Variants in RALGPS2 observed in about 807,000 individuals in gnomAD.
RALGPS2 encodes the protein Ral GEF with PH domain and SH3 binding motif 2.
RALGPS2 carries 43 observed loss-of-function variants against 86.8 expected under a neutral mutation model. The ratio of observed to expected loss-of-function variants is 0.50; its 90% confidence interval spans 0.39 to 0.64. RALGPS2 has a LOEUF of 0.64. RALGPS2 is among the 30% of genes least tolerant of loss of function. RALGPS2 has a pLI of 0.00. For synonymous variants in RALGPS2, 243 were observed against 231.3 expected (o/e 1.05, Z -0.46); for missense variants, 536 against 694.6 (o/e 0.77, Z 2.57).
In RALGPS2 at chr1:178,786,663, T is replaced by G. The variant is rs1284302575; in HGVS notation, c.213+1056T>G. ...CTCTAAAATCTGATTTTTTTTAACC[T>G]CTCATCTAGTATATCAATGTGATTT... On this transcript the variant is annotated intron_variant, in intron 4 of 19. Transcript: ENST00000367635. Among the ~76,000 whole-genome samples the G allele has an allele frequency of 2.0e-5, 3 of 151,726 alleles. No individual in the cohort carries two copies. The Admixed American group carries it at 2.0e-4, about 10-fold the overall frequency.
At chr1:178,861,445 C>A (rs1392778704) in intron 8 of RALGPS2, among the ~76,000 whole-genome samples, 1 of 149,318 alleles carries the variant, frequency 6.7e-6, no homozygotes, top group Non-Finnish European at 1.5e-5. Context: ...CTGTAGCATT[C>A]GTGGGTTTTT....
chr1:178,874,182 A>T (rs1658895349), intron 8 of RALGPS2, among the ~76,000 whole-genome samples: 2 of 152,340 alleles, frequency 1.3e-5, no homozygotes, highest in Admixed American at 1.3e-4. Flanking sequence ...GGAAGCAAGG[A>T]GATGAAGTAG....
chr1:178,898,178 A>T (rs1439817011), intron 17 of RALGPS2, among the ~76,000 whole-genome samples: 1 of 152,030 alleles, frequency 6.6e-6, no homozygotes, highest in Non-Finnish European at 1.5e-5. Context: ...GCTTCATATT[A>T]CTTAAAAGAA....
chr1:178,867,152 A>C (rs1387966120), intron 8 of RALGPS2, among the ~76,000 whole-genome samples: 1 of 152,120 alleles, frequency 6.6e-6, no homozygotes, highest in Non-Finnish European at 1.5e-5. Flanking sequence ...CCTGTTGTTA[A>C]TAACAACACA....
intron 1 of RALGPS2, among the ~76,000 whole-genome samples, chr1:178,776,132 A>G (rs1653071279): frequency 6.6e-6 from 1 of 152,224 alleles, no homozygotes. Flanking sequence ...GGCCTTAAGC[A>G]TCGGTGGATT....
At chr1:178,845,892 G>C (rs1055391873) in intron 8 of RALGPS2, among the ~76,000 whole-genome samples, 6 of 152,176 alleles carry the variant, frequency 3.9e-5, no homozygotes, top group Non-Finnish European at 8.8e-5. Flanking sequence ...TCCTGGAAGA[G>C]ATGCATATCA....
chr1:178,833,009 A>T (rs560066896), intron 7 of RALGPS2, among the ~76,000 whole-genome samples: 5 of 152,108 alleles, frequency 3.3e-5, no homozygotes, highest in Non-Finnish European at 7.4e-5. Flanking sequence ...TGTTAATCGC[A>T]AAATTTGGTG....
intron 1 of RALGPS2, among the ~76,000 whole-genome samples, chr1:178,749,933 AAAAC>A (rs1651556741): frequency 6.6e-6 from 1 of 152,048 alleles, no homozygotes; most frequent in African/African-American, 2.4e-5. Flanking sequence ...CATCTCTACA[AAAAC>A]AACAACAACA....
intron 8 of RALGPS2, chr1:178,852,820 C>T (rs762840189): frequency 1.2e-6 from 2 of 1,613,792 alleles, no homozygotes; most frequent in Non-Finnish European, 1.7e-6. Context: ...ACGAAAGCTG[C>T]TGTATTCTGC....
chr1:178,892,388 A>G, intron 15 of RALGPS2, 81 bp downstream of exon 15: 4 of 1,158,226 alleles, frequency 3.5e-6, no homozygotes, highest in Non-Finnish European at 5.0e-6. Flanking sequence ...GTCTGACGTT[A>G]TTTCTTTTCT....
At chr1:178,880,786 G>A (rs1303716826) in intron 10 of RALGPS2, among the ~76,000 whole-genome samples, 1 of 152,138 alleles carries the variant, frequency 6.6e-6, no homozygotes, top group Non-Finnish European at 1.5e-5. Flanking sequence ...ACAGTTTATA[G>A]AGGATGGCAA....
rs1647306126 is a variant in RALGPS2 at position 178,921,444 on chromosome 1, T to G, written c.*5085T>G. On this transcript the variant is annotated 3_prime_UTR_variant, in exon 20 of 20. Transcript: ENST00000367635. ...AAATAGCTGATAATAAGTCAGACTC[T>G]CAAGAGTTTCTGTACCTTGATTATT... 6.6e-6 allele frequency: 1 copy of G among 151,344 alleles called. No homozygotes were observed. The highest frequency in any genetic ancestry group is 1.5e-5 in the Non-Finnish European group (1 of 67,840). 9.4% of individuals were successfully genotyped at this position (151,344 alleles called of 1,614,324 possible). A position where few individuals can be genotyped will look rare whatever the true frequency, so the allele number is the denominator to read the frequency against.
chr1:178,780,103 A>G (rs916758670), intron 2 of RALGPS2, among the ~76,000 whole-genome samples: 2 of 152,204 alleles, frequency 1.3e-5, no homozygotes, highest in Non-Finnish European at 2.9e-5. Context: ...CTAGCAAGAC[A>G]GAAGTTACAA....
intron 14 of RALGPS2, among the ~76,000 whole-genome samples, chr1:178,890,397 C>G (rs879705138): frequency 1.3e-5 from 2 of 151,902 alleles, no homozygotes; most frequent in Non-Finnish European, 2.9e-5. Flanking sequence ...ATTTCAGACT[C>G]ATAAGGTATT....
rs549132981 is a variant in RALGPS2, at chr1:178,920,621, A to G, written c.*4262A>G. On this transcript the variant is annotated 3_prime_UTR_variant, in exon 20 of 20. Coordinates refer to ENST00000367635, the MANE Select transcript of RALGPS2 (RefSeq NM_152663.5). ...TTTTAGAGTAGGAGATTAAAAATAAACCCACCCCAGTCAACCTTTAGATAA... is the reference window on the plus strand; with the variant it reads ...TTTTAGAGTAGGAGATTAAAAATAAGCCCACCCCAGTCAACCTTTAGATAA... 2 of 152,116 alleles carry G rather than the reference A, an allele frequency of 1.3e-5. No homozygotes were observed. Among genetic ancestry groups the G allele is most frequent in the East Asian group, 3.9e-4 (2 of 5,190 alleles). The allele number at this position is 152,116 out of a possible 1,614,324, so 9.4% of individuals were successfully genotyped here. A position where few individuals can be genotyped will look rare whatever the true frequency, so the allele number is the denominator to read the frequency against.
intron 1 of RALGPS2, among the ~76,000 whole-genome samples, chr1:178,767,465 C>A (rs1354598002): frequency 1.4e-5 from 2 of 145,392 alleles, no homozygotes; most frequent in East Asian, 4.1e-4. Flanking sequence ...CTAGTCTGCT[C>A]TTGGGTTGTG....
rs1182552849 is a variant in RALGPS2, at chr1:178,917,097, C to T, written c.*738C>T. On this transcript the variant is annotated 3_prime_UTR_variant, in exon 20 of 20. Coordinates refer to ENST00000367635, the MANE Select transcript of RALGPS2 (RefSeq NM_152663.5). ...GTACAAAGGCTGTGTGTTCATTTGC[C>T]AGACGCTTTTTTTTTAAATAGGTTC... 1 of 152,090 alleles carries T rather than the reference C, an allele frequency of 6.6e-6. No homozygotes were observed. The allele number at this position is 152,090 out of a possible 1,614,324, so 9.4% of individuals were successfully genotyped here. A position where few individuals can be genotyped will look rare whatever the true frequency, so the allele number is the denominator to read the frequency against.
chr1:178,848,457 T>C (rs549971547), intron 8 of RALGPS2, among the ~76,000 whole-genome samples: 8 of 152,220 alleles, frequency 5.3e-5, no homozygotes, highest in African/African-American at 1.7e-4. Context: ...GGACCTTACC[T>C]ACCACACAAA....
rs976113930 is a variant in RALGPS2, at chr1:178,865,360, A to G, written c.608-12138A>G. On this transcript the variant is annotated intron_variant, in intron 8 of 19. Coordinates refer to ENST00000367635, the MANE Select transcript of RALGPS2 (RefSeq NM_152663.5). ...AATTATCCCTCTTACGGATAATCTC[A>G]TGTAATAATTGCATATAGAGTTGAG... is the stretch of plus-strand genomic sequence containing the variant. The G allele has an allele frequency of 1.9e-6, 3 of 1,614,092 alleles. No individual in the cohort carries two copies. The African/African-American group carries it at 4.0e-5, about 22-fold the overall frequency.
Sources: allele counts gnomAD v4.1 joint callset (sites outside exome capture counted in the v4.1 genomes callset), GRCh38; gene constraint gnomAD v4.1.1; transcripts MANE v1.5; gene names NCBI Gene and HGNC (gene_info 2026-07-23, HGNC 2026-07-21).